BCAR3: variants seen among roughly 807,000 people sequenced by gnomAD.
BCAR3 encodes breast cancer anti-estrogen resistance protein 3.
Under a neutral mutation model 80.1 loss-of-function variants are expected in BCAR3, and 37 were observed. That is an observed-to-expected ratio of 0.46 (90% CI 0.36 to 0.61). The LOEUF (loss-of-function observed/expected upper bound fraction) is 0.61. Ranked by LOEUF, BCAR3 falls within the 20% of genes least tolerant of loss-of-function variation. The pLI is 0.00. For synonymous variants in BCAR3, 389 were observed against 418.9 expected, an observed-to-expected ratio of 0.93 and a Z score of 0.87; for missense variants, 978 against 1,068.2, an observed-to-expected ratio of 0.92 and a Z score of 1.18.
At chr1:93,786,239 T>C (rs1050387683) in intron 2 of BCAR3, among the ~76,000 whole-genome samples, 2 of 148,476 alleles carry the variant, frequency 1.3e-5, no homozygotes, top group African/African-American at 2.5e-5. Flanking sequence ...ATTTCTGCCT[T>C]GCTCCCTGGG....
At chr1:93,623,689 C>T (rs554463291) in intron 3 of BCAR3, among the ~76,000 whole-genome samples, 3 of 152,328 alleles carry the variant, frequency 2.0e-5, no homozygotes, top group Admixed American at 6.5e-5. Flanking sequence ...CACTCCACCC[C>T]TGCCCTTCCC....
chr1:93,735,357 C>T (rs1196961331), intron 2 of BCAR3, among the ~76,000 whole-genome samples: 1 of 152,204 alleles, frequency 6.6e-6, no homozygotes, highest in Non-Finnish European at 1.5e-5. Flanking sequence ...AAGGACCCTC[C>T]TCTCCCACTC....
intron 1 of BCAR3, among the ~76,000 whole-genome samples, chr1:93,846,619 C>A (rs561528236): frequency 6.6e-6 from 1 of 152,044 alleles, no homozygotes; most frequent in East Asian, 1.9e-4. Flanking sequence ...CTCGCAGCCA[C>A]CAGGAAACCC....
chr1:93,713,919 C>T (rs1376461873), intron 2 of BCAR3, among the ~76,000 whole-genome samples: 1 of 152,150 alleles, frequency 6.6e-6, no homozygotes. Flanking sequence ...TTTCTGAGTA[C>T]ATGGGAATTC....
intron 3 of BCAR3, among the ~76,000 whole-genome samples, chr1:93,689,512 C>T (rs1192692667): frequency 1.4e-5 from 2 of 138,862 alleles, no homozygotes; most frequent in Admixed American, 1.5e-4. Context: ...GCCTAGCAAA[C>T]AAGAGCAAAA....
chr1:93,733,563 T>C (rs1231019124), intron 2 of BCAR3, among the ~76,000 whole-genome samples: 1 of 152,182 alleles, frequency 6.6e-6, no homozygotes, highest in Non-Finnish European at 1.5e-5. Context: ...CTGCCTTCCT[T>C]GGAAGGAACT....
chr1:93,628,783 C>T (rs894850695), intron 3 of BCAR3, among the ~76,000 whole-genome samples: 1 of 152,166 alleles, frequency 6.6e-6, no homozygotes, highest in Non-Finnish European at 1.5e-5. Context: ...AGTCCTCCAC[C>T]CCCAGAGTAA....
In BCAR3 at chr1:93,659,876, C is replaced by A. The variant is rs149927490; in HGVS notation, c.317+14738G>T. 1.8e-3 allele frequency among the ~76,000 whole-genome samples: 274 copies of A among 152,246 alleles called. 2 individuals are homozygous for A. The highest frequency in any genetic ancestry group is 2.4e-3 in the Non-Finnish European group (166 of 68,012). On this transcript the variant is annotated intron_variant, in intron 2 of 11. Transcript: ENST00000260502. The stretch of plus-strand genomic sequence containing the variant: ...CAATCAGTGACATCTCCTCAGTGCT[C>A]CTTTCCTATGAATTATAAAACTTTG...
chr1:93,840,447 C>T (rs949427395), intron 2 of BCAR3, among the ~76,000 whole-genome samples: 3 of 152,334 alleles, frequency 2.0e-5, no homozygotes, highest in Middle Eastern at 6.8e-3. Flanking sequence ...TTATTTTCAA[C>T]TGCTAAACAA....
intron 2 of BCAR3, among the ~76,000 whole-genome samples, chr1:93,769,186 C>T (rs1040321712): frequency 1.3e-5 from 2 of 152,200 alleles, no homozygotes; most frequent in Non-Finnish European, 2.9e-5. Context: ...TAGGCTGCAA[C>T]TCCCTGAACT....
chr1:93,845,491 T>C (rs1211314634), intron 2 of BCAR3: 1 of 16,284 alleles, frequency 6.1e-5, no homozygotes, highest in Non-Finnish European at 1.6e-4. Context: ...TATATATATA[T>C]ATATATATAT....
At chr1:93,721,795 G>A (rs948491093) in intron 2 of BCAR3, among the ~76,000 whole-genome samples, 1 of 152,166 alleles carries the variant, frequency 6.6e-6, no homozygotes, top group Non-Finnish European at 1.5e-5. Flanking sequence ...TAGGGGAGGT[G>A]GCCTCTGGAG....
intron 2 of BCAR3, among the ~76,000 whole-genome samples, chr1:93,778,149 A>C (rs968876122): frequency 6.6e-6 from 1 of 152,100 alleles, no homozygotes; most frequent in African/African-American, 2.4e-5. Flanking sequence ...TGGACCATCC[A>C]TTTCTGAAAT....
intron 11 of BCAR3, 68 bp from the exon 12 acceptor site, chr1:93,562,487 G>A: frequency 6.7e-7 from 1 of 1,500,986 alleles, no homozygotes. Context: ...TAGACTGAAA[G>A]CACCAGGCGC....
intron 3 of BCAR3, among the ~76,000 whole-genome samples, chr1:93,689,886 G>A (rs563089039): frequency 6.6e-6 from 1 of 152,288 alleles, no homozygotes; most frequent in Admixed American, 6.5e-5. Flanking sequence ...CAGACTGACA[G>A]AAAAACCTGA....
Position 93,710,154 on chromosome 1 carries a change from G to A in BCAR3, c.-62-4012C>T, listed in dbSNP as rs1649971308. On this transcript the variant is annotated intron_variant, in intron 2 of 13. Coordinates refer to the BCAR3 transcript ENST00000370244. ...CTCACTCCCGGTGGATAGGGGGTGG[G>A]AAGCTGGGAAGCTGGGAACCAAGAA... 2.0e-5 allele frequency among the ~76,000 whole-genome samples: 3 copies of A among 152,268 alleles called. No homozygotes were observed. In the South Asian group the frequency reaches 6.2e-4, roughly 32 times the overall value.
At chr1:93,789,643 T>C (rs1653073764) in intron 2 of BCAR3, among the ~76,000 whole-genome samples, 1 of 152,230 alleles carries the variant, frequency 6.6e-6, no homozygotes, top group Non-Finnish European at 1.5e-5. Context: ...TGATAGGGCA[T>C]ACAGGATCAA....
chr1:93,692,542 G>T (rs1247922036), intron 3 of BCAR3, among the ~76,000 whole-genome samples: 1 of 152,230 alleles, frequency 6.6e-6, no homozygotes, highest in Non-Finnish European at 1.5e-5. Context: ...AACTTTGTGT[G>T]CATCATCTGA....
chr1:93,735,029 A>C (rs1362496663), intron 2 of BCAR3, among the ~76,000 whole-genome samples: 1 of 152,192 alleles, frequency 6.6e-6, no homozygotes, highest in Non-Finnish European at 1.5e-5. Context: ...ACTGCTCTGT[A>C]AGCTCCTTGA....
Sources: allele counts gnomAD v4.1 joint callset (sites outside exome capture counted in the v4.1 genomes callset), GRCh38; gene constraint gnomAD v4.1.1; transcripts MANE v1.5; gene names NCBI Gene and HGNC (gene_info 2026-07-23, HGNC 2026-07-21).